Variants in SULT2B1 observed in about 807,000 individuals in gnomAD.
The protein encoded by SULT2B1 is sulfotransferase family 2B member 1, also known as sulfotransferase 2B1.
In SULT2B1, 16 loss-of-function variants were observed where a neutral mutation model predicts 33.2. The ratio of observed to expected loss-of-function variants is 0.48; its 90% CI spans 0.33 to 0.73. The LOEUF (loss-of-function observed/expected upper bound fraction) is 0.73, where lower values mean the gene tolerates loss of function less well. Ranked by LOEUF, SULT2B1 falls within the 30% of genes least tolerant of loss-of-function variation. The pLI is 0.02. For synonymous variants in SULT2B1, 186 were observed against 200.5 expected (o/e 0.93, Z 0.61); for missense variants, 500 against 506.0 (o/e 0.99, Z 0.11).
rs141049192 is a variant in SULT2B1, at chr19:48,596,849, C to T, written c.756C>T (p.Asn252=). The change falls in exon 6 of 7, where the codon AAC becomes AAT. Residue 252 remains asparagine (N), a synonymous_variant. Transcript: ENST00000201586. ...CAACCTTCAGCGCCATGAAGGCCAA[C>T]ACCATGTCCAACTACACGCTGCTGC... ...AHSTFSAMKA[N]TMSNYTLLPP... is the part of the protein sequence containing the mutation. 1,525 of 1,609,494 alleles carry T rather than the reference C, an allele frequency of 9.5e-4. 2 individuals carry two copies. Among genetic ancestry groups the T allele is most frequent in the Non-Finnish European group, 1.2e-3 (1,362 of 1,179,924 alleles).
At chr19:48,568,924 A>C (rs1020991041) in intron 1 of SULT2B1, among the ~76,000 whole-genome samples, 2 of 151,956 alleles carry the variant, frequency 1.3e-5, no homozygotes, top group Non-Finnish European at 2.9e-5. Context: ...GTCCCCACAC[A>C]CCGCTCCCTC....
At chr19:48,567,168 A>G (rs984729638) in intron 1 of SULT2B1, among the ~76,000 whole-genome samples, 6 of 152,050 alleles carry the variant, frequency 3.9e-5, no homozygotes, top group African/African-American at 1.2e-4. Flanking sequence ...CATCATTGCC[A>G]TGATCGCCCT....
chr19:48,569,350 A>ACG (rs752473049), intron 1 of SULT2B1, among the ~76,000 whole-genome samples: 1 of 86,198 alleles, frequency 1.2e-5, no homozygotes, highest in Non-Finnish European at 2.2e-5. Context: ...TCAAAAAAAA[A>ACG]AAAAAAAAAA....
intron 1 of SULT2B1, among the ~76,000 whole-genome samples, chr19:48,569,450 T>C (rs1182989192): frequency 2.7e-5 from 2 of 73,712 alleles, no homozygotes; most frequent in African/African-American, 6.4e-5. Flanking sequence ...CTGGATTCAG[T>C]GACATCTATC....
chr19:48,566,123 G>A (rs1973240923), intron 1 of SULT2B1, among the ~76,000 whole-genome samples: 2 of 152,028 alleles, frequency 1.3e-5, no homozygotes, highest in South Asian at 2.1e-4. Flanking sequence ...TGTTGGCCAG[G>A]CTGGTCTCAA....
chr19:48,582,094 G>A (rs1175579478), intron 2 of SULT2B1, among the ~76,000 whole-genome samples: 6 of 151,452 alleles, frequency 4.0e-5, no homozygotes, highest in African/African-American at 1.2e-4. Flanking sequence ...TAGTAGAGAC[G>A]GGGTTTTGCC....
intron 1 of SULT2B1, among the ~76,000 whole-genome samples, chr19:48,553,219 G>A (rs971796074): frequency 2.6e-5 from 4 of 152,186 alleles, no homozygotes; most frequent in Non-Finnish European, 5.9e-5. Context: ...AGACCTTCCT[G>A]GCAGCCTGGG....
intron 2 of SULT2B1, among the ~76,000 whole-genome samples, chr19:48,579,606 T>TTTCTTTCTTTTC (rs1555733743): frequency 1.2e-4 from 1 of 8,116 alleles, no homozygotes; most frequent in Non-Finnish European, 3.4e-4. Flanking sequence ...TCTTTCTTTC[T>TTTCTTTCTTTTC]TTTTTTTTTT....
chr19:48,578,088 C>T (rs1161581361), intron 2 of SULT2B1, among the ~76,000 whole-genome samples: 1 of 151,982 alleles, frequency 6.6e-6, no homozygotes. Context: ...TGGTGTGCGC[C>T]TGTAGTCCCA....
intron 2 of SULT2B1, among the ~76,000 whole-genome samples, chr19:48,584,902 C>A (rs913080069): frequency 3.3e-5 from 5 of 151,852 alleles, no homozygotes; most frequent in Non-Finnish European, 5.9e-5. Flanking sequence ...AATACAAAAA[C>A]TAGCCAGGCG....
In SULT2B1 at chr19:48,597,536, A is replaced by G. The variant is rs1318885948; in HGVS notation, c.826+617A>G. 2.6e-5 allele frequency among the ~76,000 whole-genome samples: 4 copies of G among 151,248 alleles called. 1 individual carries two copies. In the South Asian group the frequency reaches 8.4e-4, roughly 32 times the overall value. ...ATTTTTGTATTTTTAGTAGAGATGGAGTTTCACCATGTTGGTCAGGATGGT... is the reference window on the plus strand; with the variant it reads ...ATTTTTGTATTTTTAGTAGAGATGGGGTTTCACCATGTTGGTCAGGATGGT... On this transcript the variant is annotated intron_variant, in intron 6 of 6. Coordinates refer to ENST00000201586, the MANE Select transcript of SULT2B1 (RefSeq NM_177973.2).
intron 3 of SULT2B1, 33 bp downstream of exon 3, chr19:48,587,470 G>A: frequency 6.2e-7 from 1 of 1,610,394 alleles, no homozygotes. Flanking sequence ...AGTTGGGAGG[G>A]GCTGCATGGG....
At position 48,587,386 on chromosome 19, in the gene SULT2B1, C is replaced by G. The variant is rs1163038527; in HGVS notation, c.372C>G (p.Ser124=). The change falls in exon 3 of 7, where the codon TCC becomes TCG. Residue 124 remains serine (S), a synonymous_variant. Coordinates refer to ENST00000201586, the MANE Select transcript of SULT2B1 (RefSeq NM_177973.2). The part of the protein sequence containing the change: ...PDQYSPRLMS[S]HLPIQIFTKA... ...AGTACAGCCCCCGCCTCATGAGCTC[C>G]CATCTTCCCATCCAGATCTTCACCA... 1.2e-6 allele frequency: 2 copies of G among 1,613,942 alleles called. No homozygotes were observed. Among genetic ancestry groups the G allele is most frequent in the Non-Finnish European group, 1.7e-6 (2 of 1,180,026 alleles).
In SULT2B1 at chr19:48,583,017, C is replaced by A. The variant is rs111789230; in HGVS notation, c.215-4212C>A. On this transcript the variant is annotated intron_variant, in intron 2 of 6. Transcript: ENST00000201586. Reference sequence around the variant, plus strand: ...AAAAAAAAAATTAGCCAGGCGTGGTCGTGCATGCCTGTAGTCCCAGCTACT... The same window carrying A: ...AAAAAAAAAATTAGCCAGGCGTGGTAGTGCATGCCTGTAGTCCCAGCTACT... Among the ~76,000 whole-genome samples, 5 of 102,096 alleles carry A rather than the reference C, an allele frequency of 4.9e-5. No individual in the cohort carries two copies. The East Asian group carries it at 1.1e-3, about 23-fold the overall frequency. The allele number at this position is 102,096 out of a possible 152,430, so 67.0% of individuals were successfully genotyped here.
chr19:48,570,727 T>TG (rs1555732539), intron 1 of SULT2B1, among the ~76,000 whole-genome samples: 2 of 151,324 alleles, frequency 1.3e-5, no homozygotes, highest in African/African-American at 4.8e-5. Context: ...CGTTTTTGTT[T>TG]TTGTTTTTTT....
intron 1 of SULT2B1, among the ~76,000 whole-genome samples, chr19:48,564,621 C>T (rs1466682254): frequency 2.0e-5 from 3 of 151,264 alleles, no homozygotes; most frequent in African/African-American, 4.9e-5. Context: ...AAGATTACCC[C>T]ATGAACACCC....
intron 1 of SULT2B1, among the ~76,000 whole-genome samples, chr19:48,568,450 A>G (rs2147604659): frequency 6.6e-6 from 1 of 152,148 alleles, no homozygotes; most frequent in East Asian, 1.9e-4. Context: ...AATCCTGTAA[A>G]TGTTCCCAAA....
chr19:48,577,057 A>G (rs1973423124), intron 2 of SULT2B1, among the ~76,000 whole-genome samples: 3 of 87,808 alleles, frequency 3.4e-5, no homozygotes, highest in Admixed American at 3.2e-4. Context: ...TTTTTTTGTG[A>G]CGGAGTCTCT....
chr19:48,584,642 C>T (rs1339524450), intron 2 of SULT2B1, among the ~76,000 whole-genome samples: 1 of 152,188 alleles, frequency 6.6e-6, no homozygotes, highest in Non-Finnish European at 1.5e-5. Flanking sequence ...TGGTGGCTTA[C>T]GCCTGTAATC....
Sources: allele counts gnomAD v4.1 joint callset (sites outside exome capture counted in the v4.1 genomes callset), GRCh38; gene constraint gnomAD v4.1.1; transcripts MANE v1.5; gene names NCBI Gene and HGNC (gene_info 2026-07-23, HGNC 2026-07-21).